Variants in TMCC1 observed in about 807,000 individuals in gnomAD.
The protein encoded by TMCC1 is transmembrane and coiled-coil domains protein 1.
Under a neutral mutation model 52.4 loss-of-function variants are expected in TMCC1, and 15 were observed. The ratio of observed to expected loss-of-function variants is 0.29; its 90% CI spans 0.19 to 0.44. TMCC1 has a LOEUF of 0.44. TMCC1 is among the 20% of genes least tolerant of loss of function. TMCC1 has a pLI of 1.00. For missense variants in TMCC1, 503 were observed against 806.0 expected, an observed-to-expected ratio of 0.62 and a Z score of 4.55; for synonymous variants, 279 against 301.9, an observed-to-expected ratio of 0.92 and a Z score of 0.79.
chr3:129,745,859 G>C (rs1289916861), intron 4 of TMCC1, among the ~76,000 whole-genome samples: 1 of 151,882 alleles, frequency 6.6e-6, no homozygotes, highest in African/African-American at 2.4e-5. Flanking sequence ...AGCTACTCGG[G>C]AGCCGAGATT....
intron 4 of TMCC1, among the ~76,000 whole-genome samples, chr3:129,815,108 T>G (rs2058031740): frequency 6.6e-6 from 1 of 152,076 alleles, no homozygotes; most frequent in Non-Finnish European, 1.5e-5. Context: ...ATACTCATTC[T>G]TTTCATCACC....
chr3:129,753,937 T>G (rs1324823597), intron 4 of TMCC1, among the ~76,000 whole-genome samples: 1 of 145,738 alleles, frequency 6.9e-6, no homozygotes, highest in African/African-American at 2.6e-5. Flanking sequence ...TAGAAAATGC[T>G]AAGAATCTAC....
At chr3:129,843,235 T>C (rs1003866376) in intron 2 of TMCC1, among the ~76,000 whole-genome samples, 27 of 151,850 alleles carry the variant, frequency 1.8e-4, no homozygotes, top group Admixed American at 9.8e-4. Context: ...TAGTCCCAGC[T>C]ACTCAGGAGG....
intron 2 of TMCC1, among the ~76,000 whole-genome samples, chr3:129,877,846 T>C (rs1001312147): frequency 3.3e-5 from 5 of 152,122 alleles, no homozygotes; most frequent in Admixed American, 2.6e-4. Context: ...GCCAGGGTGA[T>C]CTTGATCTCC....
Position 129,880,399 on chromosome 3 carries a change from TAA to T in TMCC1, c.-276_-275del, listed in dbSNP as rs1400389964. ...AAAGGTTTCCCAAAAAGTTATTTTT[TAA>T]AAAGACATAGAAACAGAAGATCCAT... On this transcript the variant is annotated 5_prime_UTR_variant, in exon 2 of 7. It introduces an in-frame stop codon into an upstream open reading frame of the 5' UTR. Transcript: ENST00000393238. 3.3e-5 allele frequency: 5 copies of T among 152,118 alleles called. No homozygotes were observed. The highest frequency in any genetic ancestry group is 9.7e-5 in the African/African-American group (4 of 41,424). The allele number at this position is 152,118 out of a possible 1,614,324, so 9.4% of individuals were successfully genotyped here. A position where few individuals can be genotyped will look rare whatever the true frequency, so the allele number is the denominator to read the frequency against.
intron 4 of TMCC1, among the ~76,000 whole-genome samples, chr3:129,814,911 T>C (rs2058023277): frequency 6.6e-6 from 1 of 152,064 alleles, no homozygotes; most frequent in African/African-American, 2.4e-5. Context: ...GAGGCAAACA[T>C]TAGTAGATCT....
intron 1 of TMCC1, among the ~76,000 whole-genome samples, chr3:129,886,376 A>G (rs1192082743): frequency 1.3e-5 from 2 of 152,238 alleles, no homozygotes; most frequent in African/African-American, 4.8e-5. Context: ...TTTATATGAT[A>G]ATAAACTTAT....
chr3:129,870,921 T>C (rs970966513), intron 2 of TMCC1, among the ~76,000 whole-genome samples: 2 of 152,202 alleles, frequency 1.3e-5, no homozygotes, highest in South Asian at 2.1e-4. Context: ...AAGGGACTAT[T>C]ACTTCTTTTA....
intron 4 of TMCC1, among the ~76,000 whole-genome samples, chr3:129,788,013 C>T (rs533023757): frequency 6.6e-6 from 1 of 152,258 alleles, no homozygotes; most frequent in Non-Finnish European, 1.5e-5. Flanking sequence ...GCAAGTCTCC[C>T]TCCTATCCAC....
intron 2 of TMCC1, among the ~76,000 whole-genome samples, chr3:129,861,582 C>T (rs1027706138): frequency 1.8e-4 from 28 of 152,238 alleles, no homozygotes; most frequent in African/African-American, 6.5e-4. Flanking sequence ...AAACATTTCT[C>T]CAAAGAAAAT....
At chr3:129,784,383 A>G (rs1042139520) in intron 4 of TMCC1, among the ~76,000 whole-genome samples, 11 of 150,840 alleles carry the variant, frequency 7.3e-5, no homozygotes, top group Non-Finnish European at 1.2e-4. Context: ...TCGAGACCAC[A>G]GTGAAACCCC....
intron 2 of TMCC1, among the ~76,000 whole-genome samples, chr3:129,865,594 T>C (rs150932949): frequency 6.6e-6 from 1 of 152,302 alleles, no homozygotes; most frequent in East Asian, 1.9e-4. Flanking sequence ...TTGATCTTAT[T>C]TTCCACTATA....
chr3:129,712,618 A>G (rs571907320), intron 4 of TMCC1, among the ~76,000 whole-genome samples: 1 of 151,820 alleles, frequency 6.6e-6, no homozygotes, highest in South Asian at 2.1e-4. Flanking sequence ...CAGCTAATTA[A>G]AAAAATTTTT....
intron 2 of TMCC1, among the ~76,000 whole-genome samples, chr3:129,878,791 G>A (rs748195074): frequency 2.0e-4 from 30 of 152,176 alleles, no homozygotes; most frequent in Non-Finnish European, 4.3e-4. Context: ...CCAGACCTAT[G>A]AAATTAGAGT....
At position 129,670,921 on chromosome 3, in the gene TMCC1, C is replaced by T. The variant is rs1576384452; in HGVS notation, c.920G>A (p.Arg307Lys). 1 of 1,614,230 alleles carries T rather than the reference C, an allele frequency of 6.2e-7. No homozygotes were observed. Among genetic ancestry groups the T allele is most frequent in the South Asian group, 1.1e-5 (1 of 91,088 alleles). ...KKLEHYHRKLREVEQNGIPRQ... is the reference protein window; with the variant it reads ...KKLEHYHRKLKEVEQNGIPRQ... ...GGGGATCCCATTCTGCTCTACCTCTCTGAGCTTCCTGTGGTAGTGCTCAAG... is the reference window on the plus strand; with the variant it reads ...GGGGATCCCATTCTGCTCTACCTCTTTGAGCTTCCTGTGGTAGTGCTCAAG... The change falls in exon 5 of 7, where the codon AGA (arginine) becomes AAA (lysine). Residue 307 changes from arginine to lysine, a missense_variant. Arg to Lys is a conservative substitution (Grantham distance 26, BLOSUM62 2). Coordinates refer to ENST00000393238, the MANE Select transcript of TMCC1 (RefSeq NM_001017395.5).
At chr3:129,813,826 T>TA (rs761451681) in intron 4 of TMCC1, among the ~76,000 whole-genome samples, 3 of 152,056 alleles carry the variant, frequency 2.0e-5, no homozygotes, top group Non-Finnish European at 2.9e-5. Flanking sequence ...GATGAAGCTA[T>TA]TCCATTTCTA....
chr3:129,850,103 A>T (rs1164967312), intron 2 of TMCC1, among the ~76,000 whole-genome samples: 1 of 152,154 alleles, frequency 6.6e-6, no homozygotes. Flanking sequence ...AGAAAAAAAA[A>T]TGTGGAAGGA....
chr3:129,696,666 C>T (rs1370679327), intron 4 of TMCC1, among the ~76,000 whole-genome samples: 1 of 152,180 alleles, frequency 6.6e-6, no homozygotes, highest in Non-Finnish European at 1.5e-5. Context: ...GTCTTTTCCG[C>T]CTATGAGCCT....
At chr3:129,840,863 G>A (rs979626997) in intron 2 of TMCC1, among the ~76,000 whole-genome samples, 2 of 152,114 alleles carry the variant, frequency 1.3e-5, no homozygotes, top group Admixed American at 1.3e-4. Context: ...TTTTATAGCA[G>A]TGTGAAAATG....
Sources: gnomAD v4.1 joint callset for allele counts (sites outside exome capture counted in the v4.1 genomes callset) on GRCh38, gnomAD v4.1.1 for gene constraint, MANE v1.5 for transcripts, NCBI Gene and HGNC (gene_info 2026-07-23, HGNC 2026-07-21) for gene names.